MREG: variants seen among roughly 807,000 people sequenced by gnomAD.
MREG encodes dilute suppressor protein homolog.
MREG carries 31 observed loss-of-function variants against 28.5 expected under a neutral mutation model. The observed-to-expected ratio is 1.09, with a 90% CI of 0.82 to 1.47. The LOEUF is 1.47. Among genes scored for constraint, MREG ranks in the 40% most tolerant of loss-of-function variants. The pLI, the probability that MREG is intolerant of heterozygous loss-of-function variation, is 0.00. For missense variants in MREG, 256 were observed against 257.4 expected, an observed-to-expected ratio of 0.99 and a Z score of 0.04; for synonymous variants, 106 against 95.2, an observed-to-expected ratio of 1.11 and a Z score of -0.66.
intron 1 of MREG, among the ~76,000 whole-genome samples, chr2:216,031,687 GAAAGAGAA>G (rs1467743521): frequency 1.4e-4 from 7 of 48,592 alleles, no homozygotes; most frequent in Admixed American, 2.4e-4. Flanking sequence ...AAGAAAGAAA[GAAAGAGAA>G]AGAAAGAAAG....
intron 2 of MREG, among the ~76,000 whole-genome samples, chr2:215,964,848 T>C (rs1278455470): frequency 2.1e-4 from 27 of 130,208 alleles, no homozygotes; most frequent in East Asian, 1.0e-3. Flanking sequence ...GACAGATAGA[T>C]AGATAGATAG....
intron 1 of MREG, among the ~76,000 whole-genome samples, chr2:216,001,006 C>T (rs944143585): frequency 5.9e-5 from 9 of 151,808 alleles, no homozygotes; most frequent in African/African-American, 2.2e-4. Flanking sequence ...TCTGTCCCTC[C>T]TCTCTCTAGC....
chr2:216,031,681 A>AAGAG (rs1371742409), intron 1 of MREG, among the ~76,000 whole-genome samples: 2 of 115,488 alleles, frequency 1.7e-5, no homozygotes, highest in South Asian at 2.8e-4. Flanking sequence ...GAAAGAAAGA[A>AAGAG]AGAAAGAAAG....
chr2:215,957,583 T>G (rs759734080), intron 2 of MREG, among the ~76,000 whole-genome samples: 1 of 152,042 alleles, frequency 6.6e-6, no homozygotes. Context: ...AGGTAAATAT[T>G]TGGGGCTGAG....
chr2:216,009,282 TCA>T (rs1694236954), intron 1 of MREG, among the ~76,000 whole-genome samples: 1 of 152,004 alleles, frequency 6.6e-6, no homozygotes, highest in African/African-American at 2.4e-5. Flanking sequence ...TGTTAGCACT[TCA>T]GCACTACACT....
At chr2:215,995,682 G>GA (rs1005602130) in intron 2 of MREG, among the ~76,000 whole-genome samples, 1 of 152,114 alleles carries the variant, frequency 6.6e-6, no homozygotes, top group Middle Eastern at 3.4e-3. Context: ...AAAGAAAGGA[G>GA]AAAAAAAGTA....
At chr2:216,017,785 A>G (rs888440147), upstream of MREG, among the ~76,000 whole-genome samples, 1 of 152,170 alleles carries the variant, frequency 6.6e-6, no homozygotes, top group African/African-American at 2.4e-5. Context: ...CCCTCTCTTT[A>G]AGAATTTTTT....
At chr2:215,958,269 AAAATAAATAAATAAAT>A (rs536690921) in intron 2 of MREG, among the ~76,000 whole-genome samples, 1 of 150,306 alleles carries the variant, frequency 6.7e-6, no homozygotes, top group African/African-American at 2.4e-5. Context: ...TAATAAAATA[AAAATAAATAAATAAAT>A]AAATAAATAA....
At chr2:216,016,271 C>T (rs1694448293), upstream of MREG, among the ~76,000 whole-genome samples, 1 of 152,202 alleles carries the variant, frequency 6.6e-6, no homozygotes, top group African/African-American at 2.4e-5. Flanking sequence ...AGCACACTTC[C>T]TACTGGCTGG....
intron 2 of MREG, among the ~76,000 whole-genome samples, chr2:215,990,796 GA>G (rs1693701669): frequency 6.6e-6 from 1 of 152,180 alleles, no homozygotes; most frequent in African/African-American, 2.4e-5. Flanking sequence ...AAAAGACGAA[GA>G]AGGGCATTAC....
chr2:216,011,576 T>C (rs1227810118), intron 1 of MREG, among the ~76,000 whole-genome samples: 1 of 152,242 alleles, frequency 6.6e-6, no homozygotes, highest in Admixed American at 6.5e-5. Flanking sequence ...CCAGGTTACC[T>C]AGTTGGGTGA....
intron 2 of MREG, among the ~76,000 whole-genome samples, chr2:215,972,411 G>A (rs932203932): frequency 2.6e-5 from 4 of 152,164 alleles, no homozygotes; most frequent in Non-Finnish European, 5.9e-5. Flanking sequence ...GGGAGGCCGA[G>A]GCAAGTGGAT....
At chr2:215,951,800 T>C (rs1692494915) in intron 2 of MREG, among the ~76,000 whole-genome samples, 1 of 152,192 alleles carries the variant, frequency 6.6e-6, no homozygotes, top group African/African-American at 2.4e-5. Context: ...AATGGCTAAT[T>C]CTCCTCCAGC....
intron 1 of MREG, among the ~76,000 whole-genome samples, chr2:216,010,227 T>C (rs1234197598): frequency 6.6e-6 from 1 of 152,082 alleles, no homozygotes; most frequent in Non-Finnish European, 1.5e-5. Context: ...CAAGGAACAT[T>C]GGGAGCAACC....
chr2:215,946,237 T>C (rs1365563996), intron 3 of MREG, among the ~76,000 whole-genome samples: 1 of 140,226 alleles, frequency 7.1e-6, no homozygotes, highest in Non-Finnish European at 1.6e-5. Flanking sequence ...TTTCATTGTT[T>C]AAAAAAAAAA....
At position 215,945,681 on chromosome 2, in the gene MREG, T is replaced by G; in HGVS notation, c.400A>C (p.Ser134Arg). 6.2e-7 allele frequency: 1 copy of G among 1,613,966 alleles called. No individual in the cohort carries two copies. The highest frequency in any genetic ancestry group is 8.5e-7 in the Non-Finnish European group (1 of 1,179,868). ...GCTTTCCTTGTGTTTTTAGAATCACTGATGGTGCTGAGTTTAGTCACTGAC... is the reference window on the plus strand; with the variant it reads ...GCTTTCCTTGTGTTTTTAGAATCACGGATGGTGCTGAGTTTAGTCACTGAC... ...LLSVTKLSTISDSKNTRKARE... is the reference protein window; with the variant it reads ...LLSVTKLSTIRDSKNTRKARE... Residue 134 changes from serine to arginine, a missense_variant, in exon 4 of 5, where the codon AGT becomes CGT. Transcript: ENST00000263268.
At chr2:216,025,670 G>A (rs911824006) in intron 1 of MREG, among the ~76,000 whole-genome samples, 7 of 152,352 alleles carry the variant, frequency 4.6e-5, no homozygotes, top group Middle Eastern at 3.4e-3. Context: ...GGCCTTAGCC[G>A]AGGCAGCCCT....
chr2:215,996,350 AC>A lies in MREG; in HGVS notation c.210del (p.Tyr71ThrfsTer3), dbSNP rs1413884279. 5 of 1,614,012 alleles carry A rather than the reference AC, an allele frequency of 3.1e-6. No homozygotes were observed. The highest frequency in any genetic ancestry group is 4.2e-6 in the Non-Finnish European group (5 of 1,179,884). ...SHTEADDDRT[L>X]YNLIVIRNQQ... ...TGATTACGAATGACTATCAAATTGT[AC>A]AGGGTTCTGTCGTCGTCTGCCTCTG... On this transcript the variant is annotated frameshift_variant, in exon 2 of 5. Coordinates refer to ENST00000263268, the MANE Select transcript of MREG (RefSeq NM_018000.3). LOFTEE classifies it high-confidence loss of function.
At chr2:216,029,018 A>C (rs1221898209) in intron 1 of MREG, among the ~76,000 whole-genome samples, 1 of 152,196 alleles carries the variant, frequency 6.6e-6, no homozygotes, top group East Asian at 1.9e-4. Context: ...AGACCACTCA[A>C]GATACACAAA....
Sources: gnomAD v4.1 joint callset for allele counts (sites outside exome capture counted in the v4.1 genomes callset) on GRCh38, gnomAD v4.1.1 for gene constraint, MANE v1.5 for transcripts, NCBI Gene and HGNC (gene_info 2026-07-23, HGNC 2026-07-21) for gene names.